Variants in UBE2L3 observed in about 807,000 individuals in gnomAD.
UBE2L3 encodes the protein ubiquitin-conjugating enzyme E2 L3.
Under a neutral mutation model 17.8 loss-of-function variants are expected in UBE2L3, and 1 was observed. The observed-to-expected ratio is 0.06, with a 90% CI of 0.02 to 0.27. The LOEUF (loss-of-function observed/expected upper bound fraction) is 0.27. Ranked by LOEUF, UBE2L3 falls within the 10% of genes least tolerant of loss-of-function variation. The pLI, the probability that UBE2L3 is intolerant of heterozygous loss-of-function variation, is 1.00. For synonymous variants in UBE2L3, 44 were observed against 68.5 expected (o/e 0.64, Z 1.76); for missense variants, 40 against 192.6 (o/e 0.21, Z 4.69).
intron 1 of UBE2L3, among the ~76,000 whole-genome samples, chr22:21,573,659 G>A (rs1927105055): frequency 1.3e-5 from 2 of 152,156 alleles, no homozygotes; most frequent in South Asian, 4.1e-4. Flanking sequence ...GGACTGGGTG[G>A]CCAGTGAGGT....
chr22:21,614,532 T>C (rs748181519), intron 3 of UBE2L3: 1 of 1,354,232 alleles, frequency 7.4e-7, no homozygotes, highest in Admixed American at 1.9e-5. Context: ...TGCTCATGAT[T>C]TTTGTCTCCT....
intron 1 of UBE2L3, among the ~76,000 whole-genome samples, chr22:21,569,265 A>G (rs1033700467): frequency 5.9e-5 from 9 of 151,908 alleles, no homozygotes; most frequent in Admixed American, 3.3e-4. Context: ...GCGTGGTTGC[A>G]TTTGCCTGTA....
rs1032654054 is a variant in UBE2L3 at position 21,610,718 on chromosome 22, C to G, written c.124-139C>G. ...AATACTTTTGGGTGGCTGGGTTGTC[C>G]TGAAGGTGGCAGGGCTTCAGTTGAT... On this transcript the variant is annotated intron_variant, in intron 2 of 3. Coordinates refer to ENST00000342192, the MANE Select transcript of UBE2L3 (RefSeq NM_003347.4). 7 of 955,242 alleles carry G rather than the reference C, an allele frequency of 7.3e-6. No homozygotes were observed. The African/African-American group carries it at 1.2e-4, about 16-fold the overall frequency. 59.2% of individuals were successfully genotyped at this position (955,242 alleles called of 1,614,324 possible).
chr22:21,598,541 C>CTTTTTT (rs60333124), intron 2 of UBE2L3, among the ~76,000 whole-genome samples: 2 of 129,076 alleles, frequency 1.5e-5, no homozygotes, highest in Middle Eastern at 4.3e-3. Flanking sequence ...TTTCCCTTTC[C>CTTTTTT]TTTTTTTTTT....
At chr22:21,565,031 C>T (rs772962558), upstream of UBE2L3, among the ~76,000 whole-genome samples, 32 of 152,082 alleles carry the variant, frequency 2.1e-4, no homozygotes, top group East Asian at 7.7e-4. Context: ...CCCTCCTTTA[C>T]CGTGTCAAGC....
chr22:21,612,628 T>TTTTTC lies in UBE2L3; in HGVS notation c.310+1600_310+1604dup, dbSNP rs1478136465. Among the ~76,000 whole-genome samples the TTTTTC allele has an allele frequency of 7.0e-3, 971 of 138,202 alleles. 16 individuals are homozygous for TTTTTC. The highest frequency in any genetic ancestry group is 0.017 in the African/African-American group (583 of 34,990). The allele number at this position is 138,202 out of a possible 152,430, so 90.7% of individuals were successfully genotyped here. Reference sequence around the variant, plus strand: ...GCGTAAGCCACCGCACCCAGCCGATTTTTTCTTTTCTTTTCTTTTTTTTTT... The same window carrying TTTTTC: ...GCGTAAGCCACCGCACCCAGCCGATTTTTTCTTTTCTTTTCTTTTCTTTTTTTTTT... On this transcript the variant is annotated intron_variant, in intron 3 of 3. Coordinates refer to ENST00000342192, the MANE Select transcript of UBE2L3 (RefSeq NM_003347.4).
upstream of UBE2L3, among the ~76,000 whole-genome samples, chr22:21,563,250 A>G (rs1601385941): frequency 7.2e-6 from 1 of 139,694 alleles, no homozygotes; most frequent in Non-Finnish European, 1.5e-5. Context: ...TCAAAAAAAA[A>G]AAAAAAAAAA....
At chr22:21,578,025 C>T (rs1037412323) in intron 1 of UBE2L3, among the ~76,000 whole-genome samples, 3 of 151,998 alleles carry the variant, frequency 2.0e-5, no homozygotes, top group East Asian at 1.9e-4. Context: ...TCTGAGATGG[C>T]TTATAAAAAA....
At chr22:21,571,446 T>C (rs1332618262) in intron 1 of UBE2L3, among the ~76,000 whole-genome samples, 1 of 152,202 alleles carries the variant, frequency 6.6e-6, no homozygotes, top group Admixed American at 6.5e-5. Flanking sequence ...TTCACTCTTG[T>C]TGCCCAGGCT....
chr22:21,591,683 T>C (rs1416777031), intron 1 of UBE2L3, among the ~76,000 whole-genome samples: 2 of 152,074 alleles, frequency 1.3e-5, no homozygotes, highest in Non-Finnish European at 1.5e-5. Flanking sequence ...ATGTGGGGGC[T>C]GATAGGGAGC....
At chr22:21,599,811 CT>C (rs1447281885) in intron 2 of UBE2L3, among the ~76,000 whole-genome samples, 1 of 151,970 alleles carries the variant, frequency 6.6e-6, no homozygotes, top group Non-Finnish European at 1.5e-5. Context: ...TTTTTCACTT[CT>C]ATTTTTGGTG....
chr22:21,586,646 C>G (rs936351576), intron 1 of UBE2L3, among the ~76,000 whole-genome samples: 1 of 151,242 alleles, frequency 6.6e-6, no homozygotes, highest in African/African-American at 2.4e-5. Flanking sequence ...CAGCTTACCA[C>G]AACCTCCACC....
At chr22:21,567,871 T>G in intron 1 of UBE2L3, 100 bp downstream of exon 1, 3 of 1,546,564 alleles carry the variant, frequency 1.9e-6, no homozygotes, top group Non-Finnish European at 2.6e-6. Flanking sequence ...CCGTCTGGCT[T>G]CCTGCCCTAC....
chr22:21,588,450 A>G (rs1041155302), intron 1 of UBE2L3, among the ~76,000 whole-genome samples: 3 of 136,926 alleles, frequency 2.2e-5, no homozygotes, highest in African/African-American at 5.5e-5. Context: ...AATGATTCCA[A>G]TTTTTCTTCT....
intron 1 of UBE2L3, among the ~76,000 whole-genome samples, chr22:21,556,302 G>A (rs1601379894): frequency 1.3e-5 from 2 of 152,300 alleles, no homozygotes; most frequent in Admixed American, 1.3e-4. Context: ...GGCTGAAGTG[G>A]GAGAATAGTT....
At chr22:21,586,021 A>G (rs5749495) in intron 1 of UBE2L3, among the ~76,000 whole-genome samples, 28,409 of 151,702 alleles carry the variant, frequency 0.19, 3,471 homozygotes, top group East Asian at 0.41. Flanking sequence ...CTGCAGCCTC[A>G]ACCTTTTGGA....
chr22:21,568,155 C>T (rs1926744009), intron 1 of UBE2L3: 3 of 1,018,742 alleles, frequency 2.9e-6, no homozygotes, highest in African/African-American at 1.7e-5. Flanking sequence ...GCCGGAGCCC[C>T]TGCCCGGAGC....
chr22:21,581,451 A>G (rs983850804), intron 1 of UBE2L3, among the ~76,000 whole-genome samples: 1 of 152,054 alleles, frequency 6.6e-6, no homozygotes, highest in African/African-American at 2.4e-5. Context: ...TGACTTCCCA[A>G]AATGCTGGGA....
chr22:21,566,271 C>T (rs1040472683), upstream of UBE2L3, among the ~76,000 whole-genome samples: 1 of 151,982 alleles, frequency 6.6e-6, no homozygotes, highest in East Asian at 1.9e-4. Flanking sequence ...CTGTGCCAAG[C>T]CCCAAAGTAC....
Sources: gnomAD v4.1 joint callset for allele counts (sites outside exome capture counted in the v4.1 genomes callset) on GRCh38, gnomAD v4.1.1 for gene constraint, MANE v1.5 for transcripts, NCBI Gene and HGNC (gene_info 2026-07-23, HGNC 2026-07-21) for gene names.